MXD4: variants seen among roughly 807,000 people sequenced by gnomAD.
MXD4 encodes the protein Mad4 homolog.
Under a neutral mutation model 24.5 loss-of-function variants are expected in MXD4, and 16 were observed. The observed-to-expected ratio is 0.65, with a 90% CI of 0.44 to 0.99. The LOEUF is 0.99. Ranked by LOEUF, MXD4 falls within the 50% of genes least tolerant of loss-of-function variation. MXD4 has a pLI of 0.00. For missense variants in MXD4, 301 were observed against 301.5 expected (o/e 1.00, Z 0.01); for synonymous variants, 164 against 134.2 (o/e 1.22, Z -1.54).
intron 3 of MXD4, among the ~76,000 whole-genome samples, chr4:2,256,001 G>A (rs1735420994): frequency 6.6e-6 from 1 of 152,220 alleles, no homozygotes; most frequent in African/African-American, 2.4e-5. Context: ...TGAAAGCCGT[G>A]TGAGGCTGCA....
intron 4 of MXD4, among the ~76,000 whole-genome samples, 179 bp from the exon 5 acceptor site, chr4:2,251,425 C>A (rs564277476): frequency 1.1e-4 from 17 of 152,350 alleles, no homozygotes; most frequent in African/African-American, 2.9e-4. Context: ...GAGGTGGGTC[C>A]CTCCCTGCCC....
intron 3 of MXD4, among the ~76,000 whole-genome samples, chr4:2,256,591 G>A (rs1053662427): frequency 6.6e-6 from 1 of 152,218 alleles, no homozygotes; most frequent in Non-Finnish European, 1.5e-5. Flanking sequence ...CTCTTGGCCA[G>A]CCAGAGACAG....
rs953426527 is a variant in MXD4 at position 2,248,160 on chromosome 4, G to C, written c.*2384C>G. 6.6e-6 allele frequency: 1 copy of C among 152,468 alleles called. No individual in the cohort carries two copies. The highest frequency in any genetic ancestry group is 2.4e-5 in the African/African-American group (1 of 41,472). The allele number at this position is 152,468 out of a possible 1,614,324, so 9.4% of individuals were successfully genotyped here. On this transcript the variant is annotated 3_prime_UTR_variant, in exon 6 of 6. Coordinates refer to ENST00000337190, the MANE Select transcript of MXD4 (RefSeq NM_006454.3). ...AGGTTGGAGCATGTGGTGACTCCTAGCACGGGCCCCCACCCAGTGGGCAAC... is the reference window on the plus strand; with the variant it reads ...AGGTTGGAGCATGTGGTGACTCCTACCACGGGCCCCCACCCAGTGGGCAAC...
chr4:2,257,025 C>A (rs1405127947), intron 3 of MXD4, among the ~76,000 whole-genome samples: 2 of 152,184 alleles, frequency 1.3e-5, no homozygotes, highest in African/African-American at 4.8e-5. Flanking sequence ...AGGGAACCCC[C>A]CGAAACACAC....
rs1294615382 is a variant in MXD4 at position 2,260,536 on chromosome 4, AGCGGC to A, written c.164+1184_164+1188del. ...GGGTCAGGGACTTGGTTTGGAGAGA[AGCGGC>A]AGCGGGGGCCGGGCTTGCTCACTGA... On this transcript the variant is annotated intron_variant, in intron 2 of 5. Coordinates refer to ENST00000337190, the MANE Select transcript of MXD4 (RefSeq NM_006454.3). 2.6e-5 allele frequency: 12 copies of A among 455,742 alleles called. No homozygotes were observed. The East Asian group carries it at 7.7e-4, about 29-fold the overall frequency. 28.2% of individuals were successfully genotyped at this position (455,742 alleles called of 1,614,324 possible).
intron 2 of MXD4, among the ~76,000 whole-genome samples, chr4:2,258,732 C>T (rs1026831151): frequency 1.3e-5 from 2 of 152,228 alleles, no homozygotes; most frequent in African/African-American, 4.8e-5. Context: ...CATGAGGGGG[C>T]TTCTGAGATG....
intron 2 of MXD4, chr4:2,260,630 G>T: frequency 2.2e-6 from 1 of 454,018 alleles, no homozygotes; most frequent in South Asian, 1.6e-5. Flanking sequence ...CCCCAGTAGG[G>T]GACCAGGGGC....
intron 5 of MXD4, 61 bp downstream of exon 5, chr4:2,251,023 G>A (rs1735309408): frequency 7.5e-6 from 11 of 1,462,250 alleles, no homozygotes; most frequent in Non-Finnish European, 1.0e-5. Context: ...CTCCACCCAG[G>A]GAGCTGCACC....
chr4:2,255,673 G>A (rs1403662306), intron 3 of MXD4, among the ~76,000 whole-genome samples: 1 of 152,202 alleles, frequency 6.6e-6, no homozygotes, highest in Admixed American at 6.5e-5. Context: ...GGCATCCAAA[G>A]GGCTTTTAAA....
chr4:2,261,435 G>A (rs1307320730), intron 2 of MXD4, among the ~76,000 whole-genome samples: 1 of 152,134 alleles, frequency 6.6e-6, no homozygotes, highest in Admixed American at 6.5e-5. Context: ...CAACTCGGGG[G>A]CGGGGAGCGG....
intron 3 of MXD4, among the ~76,000 whole-genome samples, chr4:2,257,056 A>G (rs1735446094): frequency 6.6e-6 from 1 of 152,160 alleles, no homozygotes; most frequent in Admixed American, 6.5e-5. Context: ...CAGGAAGTGC[A>G]GTTCCTCAGA....
At chr4:2,258,447 G>T (rs1735474996) in intron 2 of MXD4, among the ~76,000 whole-genome samples, 1 of 152,154 alleles carries the variant, frequency 6.6e-6, no homozygotes, top group South Asian at 2.1e-4. Flanking sequence ...AGGGATGGGG[G>T]AGGCCCAGGG....
intron 2 of MXD4, among the ~76,000 whole-genome samples, chr4:2,260,808 G>C (rs1735524469): frequency 6.6e-6 from 1 of 152,220 alleles, no homozygotes; most frequent in South Asian, 2.1e-4. Flanking sequence ...CCCTACAAAC[G>C]CAGCTCCCAG....
intron 3 of MXD4, 32 bp downstream of exon 3, chr4:2,257,950 G>C (rs1282544592): frequency 1.2e-6 from 2 of 1,613,492 alleles, no homozygotes; most frequent in Admixed American, 3.3e-5. Flanking sequence ...GCCAGGTGTC[G>C]GGCTCATGTG....
At chr4:2,258,353 G>GGTCCAGGGC (rs1434613624) in intron 2 of MXD4, among the ~76,000 whole-genome samples, 5 of 152,144 alleles carry the variant, frequency 3.3e-5, no homozygotes, top group Non-Finnish European at 7.4e-5. Flanking sequence ...GCTGCAGGCA[G>GGTCCAGGGC]GTCCAGGGCG....
chr4:2,252,743 C>T (rs1484222816), intron 3 of MXD4: 1 of 521,582 alleles, frequency 1.9e-6, no homozygotes, highest in Non-Finnish European at 3.4e-6. Flanking sequence ...GCGCCCAGCT[C>T]ACCATGGCCT....
chr4:2,250,348 G>A lies in MXD4; in HGVS notation c.*196C>T. On this transcript the variant is annotated 3_prime_UTR_variant, in exon 6 of 6. Transcript: ENST00000337190. ...GCCCTGCCTCCTTGCAGGGGACTCT[G>A]CCCAGCTGGAAGGGGCAGGCAGCTC... 1 of 730,956 alleles carries A rather than the reference G, an allele frequency of 1.4e-6. No homozygotes were observed. The highest frequency in any genetic ancestry group is 2.8e-5 in the East Asian group (1 of 35,668). The allele number at this position is 730,956 out of a possible 1,614,324, so 45.3% of individuals were successfully genotyped here. A position where few individuals can be genotyped will look rare whatever the true frequency, so the allele number is the denominator to read the frequency against.
At chr4:2,251,470 G>A (rs577393918) in intron 4 of MXD4, among the ~76,000 whole-genome samples, 4 of 152,360 alleles carry the variant, frequency 2.6e-5, no homozygotes, top group South Asian at 2.1e-4. Context: ...CCACCTCCCA[G>A]CCCTGTGGTT....
chr4:2,258,961 C>T (rs1009360053), intron 2 of MXD4: 7 of 455,826 alleles, frequency 1.5e-5, no homozygotes, highest in African/African-American at 8.0e-5. Context: ...TGGAGGATAA[C>T]GAGGCAGGGG....
Sources: gnomAD v4.1 joint callset for allele counts (sites outside exome capture counted in the v4.1 genomes callset) on GRCh38, gnomAD v4.1.1 for gene constraint, MANE v1.5 for transcripts, NCBI Gene and HGNC (gene_info 2026-07-23, HGNC 2026-07-21) for gene names.